The following CHUK variants were observed in gnomAD, a reference collection of about 807,000 sequenced individuals.
The protein encoded by CHUK is inhibitor of nuclear factor kappa-B kinase subunit alpha.
A neutral mutation model predicts 104.8 loss-of-function variants in CHUK; 35 were observed. That is an observed-to-expected ratio of 0.33 (90% CI 0.26 to 0.44). The LOEUF (loss-of-function observed/expected upper bound fraction) is 0.44. Among genes scored for constraint, CHUK ranks in the 20% least tolerant of loss-of-function variants. The pLI, the probability that CHUK is intolerant of heterozygous loss-of-function variation, is 1.00. For missense variants in CHUK, 663 were observed against 902.7 expected, an observed-to-expected ratio of 0.73 and a Z score of 3.40; for synonymous variants, 276 against 291.9, an observed-to-expected ratio of 0.95 and a Z score of 0.56.
At chr10:100,218,165 CATT>C in intron 8 of CHUK, 35 bp from the exon 9 acceptor site, 1 of 1,575,754 alleles carries the variant, frequency 6.3e-7, no homozygotes, top group South Asian at 1.1e-5. Flanking sequence ...AAAATCAAAT[CATT>C]ATGTTCCAAT....
Position 100,222,189 on chromosome 10 carries a change from A to T in CHUK, c.316-8T>A, listed in dbSNP as rs1270391837. The T allele has an allele frequency of 6.4e-7, 1 of 1,572,810 alleles. No homozygotes were observed. Among genetic ancestry groups the T allele is most frequent in the Non-Finnish European group, 8.7e-7 (1 of 1,146,228 alleles). On this transcript the variant is annotated splice_polypyrimidine_tract_variant and splice_region_variant and intron_variant, in intron 3 of 20. Transcript: ENST00000370397. Reference sequence around the variant, plus strand: ...TTCTGGTTTGTTGAGCAGCTAAAAAAAGAAAGAAATCTAAAAATCTGTTCT... The same window carrying T: ...TTCTGGTTTGTTGAGCAGCTAAAAATAGAAAGAAATCTAAAAATCTGTTCT...
chr10:100,192,509 G>T (rs368481036), intron 19 of CHUK: 1 of 644,594 alleles, frequency 1.6e-6, no homozygotes, highest in Non-Finnish European at 1.9e-6. Context: ...TAAAAGTAGA[G>T]TACAGAATGT....
At chr10:100,211,296 AATTT>A (rs1845723296) in intron 9 of CHUK, among the ~76,000 whole-genome samples, 1 of 152,072 alleles carries the variant, frequency 6.6e-6, no homozygotes, top group Admixed American at 6.5e-5. Context: ...GTGACAATTT[AATTT>A]GACATATAAA....
intron 1 of CHUK, 86 bp from the exon 2 acceptor site, chr10:100,226,103 A>T (rs1412622202): frequency 1.2e-6 from 1 of 813,184 alleles, no homozygotes; most frequent in African/African-American, 1.7e-5. Context: ...TAAGACAACA[A>T]AACTTTTTAG....
chr10:100,218,943 A>C, intron 7 of CHUK, 65 bp downstream of exon 7: 1 of 1,592,722 alleles, frequency 6.3e-7, no homozygotes, highest in Non-Finnish European at 8.6e-7. Flanking sequence ...AAGAAAGAAA[A>C]AAAAAGACAA....
chr10:100,200,079 A>G, intron 15 of CHUK, 59 bp from the exon 16 acceptor site: 4 of 1,174,972 alleles, frequency 3.4e-6, no homozygotes, highest in Non-Finnish European at 5.1e-6. Context: ...TCAATAATCT[A>G]CAACTTGAAA....
Position 100,200,709 on chromosome 10 carries a change from G to A in CHUK, c.1641C>T (p.Ser547=). The change falls in exon 15 of 21, where the codon AGC becomes AGT. Residue 547 remains serine (S), a synonymous_variant. Transcript: ENST00000370397. ...AGTCTCCCTGACGTCTTCCATAGGG[G>A]CTCTTCTGTAGCTCCATGATTTCAG... is the stretch of plus-strand genomic sequence containing the variant. ...LHAEIMELQK[S]PYGRRQGDLM... is the part of the protein sequence containing the mutation. The A allele has an allele frequency of 1.2e-6, 2 of 1,602,708 alleles. No homozygotes were observed. The highest frequency in any genetic ancestry group is 1.7e-6 in the Non-Finnish European group (2 of 1,170,172).
At chr10:100,228,518 C>A (rs1286252925) in intron 1 of CHUK, among the ~76,000 whole-genome samples, 1 of 151,960 alleles carries the variant, frequency 6.6e-6, no homozygotes, top group Non-Finnish European at 1.5e-5. Flanking sequence ...TAGCCAGGCA[C>A]GGTGGCGGGC....
intron 19 of CHUK, chr10:100,193,006 A>AAGC (rs1845239075): frequency 5.0e-6 from 2 of 403,206 alleles, no homozygotes; most frequent in Middle Eastern, 1.5e-3. Flanking sequence ...AGCTAATAAT[A>AAGC]AGCAACATTT....
chr10:100,208,261 C>T (rs1446742372), intron 10 of CHUK, among the ~76,000 whole-genome samples: 1 of 152,138 alleles, frequency 6.6e-6, no homozygotes, highest in African/African-American at 2.4e-5. Flanking sequence ...GGTGCACCAC[C>T]AAACCCCGCT....
intron 8 of CHUK, 49 bp downstream of exon 8, chr10:100,218,669 A>T: frequency 8.3e-7 from 1 of 1,198,186 alleles, no homozygotes; most frequent in South Asian, 1.2e-5. Context: ...CTGCTCCTTT[A>T]CAACTCTGGA....
rs1845140494 is a variant in CHUK, at chr10:100,189,305, C to T, written c.*293G>A. ...TTAAATAAGTAATGTTTTACCAAGA[C>T]TGAAGGCAAATGTGTCGTGATGATG... On this transcript the variant is annotated 3_prime_UTR_variant, in exon 21 of 21. Coordinates refer to ENST00000370397, the MANE Select transcript of CHUK (RefSeq NM_001278.5). 2.7e-6 allele frequency: 1 copy of T among 373,766 alleles called. No individual in the cohort carries two copies. Among genetic ancestry groups the T allele is most frequent in the Non-Finnish European group, 4.9e-6 (1 of 204,866 alleles). 23.2% of individuals were successfully genotyped at this position (373,766 alleles called of 1,614,324 possible).
rs759473483 is a variant in CHUK, at chr10:100,193,284, C to T, written c.2108+14G>A. On this transcript the variant is annotated intron_variant, in intron 19 of 20. Coordinates refer to ENST00000370397, the MANE Select transcript of CHUK (RefSeq NM_001278.5). The stretch of plus-strand genomic sequence containing the variant: ...ATGAAAACACAGCTATCTATTGTTA[C>T]AAAGTAAACCCACCCATCTTGAGGA... The T allele has an allele frequency of 1.9e-6, 3 of 1,613,788 alleles. No individual in the cohort carries two copies. The highest frequency in any genetic ancestry group is 2.7e-5 in the African/African-American group (2 of 74,880).
chr10:100,210,940 C>T (rs2134231928), intron 9 of CHUK, among the ~76,000 whole-genome samples: 1 of 152,324 alleles, frequency 6.6e-6, no homozygotes, highest in East Asian at 1.9e-4. Flanking sequence ...TTTAAATTCT[C>T]TTCCTTCCAG....
chr10:100,204,653 T>C lies in CHUK; in HGVS notation c.1360A>G (p.Ser454Gly). The change falls in exon 13 of 21, where the codon AGT (serine) becomes GGT (glycine). Residue 454 changes from serine to glycine, a missense_variant. By Grantham distance (56) the Ser-to-Gly change is moderately conservative. Coordinates refer to ENST00000370397, the MANE Select transcript of CHUK (RefSeq NM_001278.5). ...LFQGQRAAML[S>G]LLRYNANLTK... is the part of the protein sequence containing the mutation. Reference sequence around the variant, plus strand: ...AAGTTAGCATTATATCTAAGAAGACTTAACCTAAACCACAGCAAGAAAAAA... The same window carrying C: ...AAGTTAGCATTATATCTAAGAAGACCTAACCTAAACCACAGCAAGAAAAAA... The C allele has an allele frequency of 6.2e-7, 1 of 1,606,180 alleles. No individual in the cohort carries two copies. The highest frequency in any genetic ancestry group is 8.5e-7 in the Non-Finnish European group (1 of 1,173,608).
At chr10:100,222,775 G>A (rs1846019748) in intron 3 of CHUK, 91 bp downstream of exon 3, 9 of 740,860 alleles carry the variant, frequency 1.2e-5, no homozygotes, top group Admixed American at 5.8e-5. Flanking sequence ...TAGTTTTTCC[G>A]ATTCTTATTC....
At chr10:100,190,837 A>G in intron 20 of CHUK, 32 bp downstream of exon 20, 2 of 1,280,818 alleles carry the variant, frequency 1.6e-6, no homozygotes, top group Non-Finnish European at 2.3e-6. Flanking sequence ...CAACATAGCC[A>G]AAGCAGGCAC....
At chr10:100,192,631 G>A in intron 19 of CHUK, 3 of 986,206 alleles carry the variant, frequency 3.0e-6, no homozygotes, top group Non-Finnish European at 3.6e-6. Context: ...CATGAGTTGT[G>A]AGAAAAGCGA....
intron 5 of CHUK, 121 bp downstream of exon 5, chr10:100,220,467 T>A (rs779633410): frequency 1.3e-6 from 1 of 747,964 alleles, no homozygotes; most frequent in Non-Finnish European, 2.4e-6. Context: ...TGTGGTGAGG[T>A]CTGAAATGGA....
Sources: allele counts gnomAD v4.1 joint callset (sites outside exome capture counted in the v4.1 genomes callset), GRCh38; gene constraint gnomAD v4.1.1; transcripts MANE v1.5; gene names NCBI Gene and HGNC (gene_info 2026-07-23, HGNC 2026-07-21).